KCNH5: variants seen among roughly 807,000 people sequenced by gnomAD.
KCNH5 encodes the protein voltage-gated delayed rectifier potassium channel KCNH5.
Under a neutral mutation model 96.1 loss-of-function variants are expected in KCNH5, and 46 were observed. The observed-to-expected ratio is 0.48, with a 90% confidence interval of 0.38 to 0.61. The LOEUF (loss-of-function observed/expected upper bound fraction) is 0.61, where lower values mean the gene tolerates loss of function less well. Among genes scored for constraint, KCNH5 ranks in the 20% least tolerant of loss-of-function variants. The pLI is 0.00. For missense variants in KCNH5, 907 were observed against 1,225.8 expected, an observed-to-expected ratio of 0.74 and a Z score of 3.88; for synonymous variants, 439 against 449.8, an observed-to-expected ratio of 0.98 and a Z score of 0.30.
chr14:62,779,098 C>T (rs1886154798), intron 10 of KCNH5, among the ~76,000 whole-genome samples: 1 of 152,154 alleles, frequency 6.6e-6, no homozygotes, highest in Non-Finnish European at 1.5e-5. Context: ...TTACCCAATG[C>T]CCAATGACCT....
intron 7 of KCNH5, among the ~76,000 whole-genome samples, chr14:62,862,468 C>T (rs1375589070): frequency 6.6e-6 from 1 of 152,158 alleles, no homozygotes; most frequent in Non-Finnish European, 1.5e-5. Flanking sequence ...AACATTACCA[C>T]AAATTTTTCC....
chr14:62,858,928 G>A (rs1887980935), intron 7 of KCNH5, among the ~76,000 whole-genome samples: 1 of 152,138 alleles, frequency 6.6e-6, no homozygotes, highest in Non-Finnish European at 1.5e-5. Flanking sequence ...AGGACGATGG[G>A]GAACATGGTA....
intron 8 of KCNH5, among the ~76,000 whole-genome samples, chr14:62,814,965 G>T (rs1051888052): frequency 1.3e-5 from 2 of 152,042 alleles, no homozygotes; most frequent in Non-Finnish European, 2.9e-5. Flanking sequence ...AGCGAATCTT[G>T]TGAACTACAG....
At chr14:62,888,160 C>G (rs1888635546) in intron 7 of KCNH5, among the ~76,000 whole-genome samples, 1 of 152,136 alleles carries the variant, frequency 6.6e-6, no homozygotes, top group Admixed American at 6.5e-5. Flanking sequence ...TGTGCTTTGT[C>G]TTACCAAGAA....
intron 7 of KCNH5, among the ~76,000 whole-genome samples, chr14:62,907,107 A>G (rs1484019011): frequency 6.6e-6 from 1 of 152,148 alleles, no homozygotes; most frequent in Admixed American, 6.5e-5. Context: ...CTGTCTTTCT[A>G]GACAGTCTTC....
intron 9 of KCNH5, among the ~76,000 whole-genome samples, chr14:62,801,831 A>G (rs1461370049): frequency 6.6e-6 from 1 of 152,156 alleles, no homozygotes; most frequent in Non-Finnish European, 1.5e-5. Flanking sequence ...ACTTAGGTTG[A>G]CCGTGATGAG....
chr14:62,754,970 CAAAG>C (rs1885588423), intron 10 of KCNH5, among the ~76,000 whole-genome samples: 1 of 150,262 alleles, frequency 6.7e-6, no homozygotes, highest in Admixed American at 6.7e-5. Context: ...TATAAAGAGA[CAAAG>C]AAGGTTTATA....
chr14:62,865,652 T>C (rs1888120719), intron 7 of KCNH5, among the ~76,000 whole-genome samples: 1 of 152,228 alleles, frequency 6.6e-6, no homozygotes, highest in African/African-American at 2.4e-5. Flanking sequence ...TGTACTCTCT[T>C]CCTTTATGTT....
chr14:63,036,500 T>C (rs565898288), intron 1 of KCNH5, among the ~76,000 whole-genome samples: 3 of 128,874 alleles, frequency 2.3e-5, no homozygotes, highest in South Asian at 4.7e-4. Flanking sequence ...AAACGGGAGA[T>C]ACAAAAAAAA....
rs57793448 is a variant in KCNH5 at position 62,849,556 on chromosome 14, C to T, written c.1569+97G>A. 9.1e-3 allele frequency: 8,559 copies of T among 940,234 alleles called. 496 individuals are homozygous for T. The African/African-American group carries it at 0.12, about 14-fold the overall frequency. 58.2% of individuals were successfully genotyped at this position (940,234 alleles called of 1,614,324 possible). A position where few individuals can be genotyped will look rare whatever the true frequency, so the allele number is the denominator to read the frequency against. The stretch of plus-strand genomic sequence containing the variant: ...ACTTACAAATACAGAATAACAGTTA[C>T]GAAGCAATTATACAAGCAATACGTG... On this transcript the variant is annotated intron_variant, in intron 8 of 10. Coordinates refer to ENST00000322893, the MANE Select transcript of KCNH5 (RefSeq NM_139318.5).
At chr14:63,024,208 C>CAAAAAAAAAAAAAAA (rs574336970) in intron 1 of KCNH5, among the ~76,000 whole-genome samples, 12 of 140,264 alleles carry the variant, frequency 8.6e-5, no homozygotes, top group South Asian at 2.2e-4. Flanking sequence ...GACTCCATCT[C>CAAAAAAAAAAAAAAA]AAAAAATATA....
chr14:62,847,590 T>G (rs750769886), intron 8 of KCNH5, among the ~76,000 whole-genome samples: 1 of 152,206 alleles, frequency 6.6e-6, no homozygotes, highest in African/African-American at 2.4e-5. Context: ...ACTTTAAGGA[T>G]TCCTCACTCA....
chr14:62,945,912 G>A (rs190245692), intron 7 of KCNH5, among the ~76,000 whole-genome samples: 19 of 152,112 alleles, frequency 1.2e-4, no homozygotes, highest in Admixed American at 1.2e-3. Context: ...AGGTAGGCAG[G>A]GCCATATCAG....
chr14:62,885,800 T>G (rs1478745490), intron 7 of KCNH5, among the ~76,000 whole-genome samples: 2 of 152,152 alleles, frequency 1.3e-5, no homozygotes, highest in Non-Finnish European at 2.9e-5. Flanking sequence ...TGTTTCAGAG[T>G]CATTATTTAT....
intron 7 of KCNH5, among the ~76,000 whole-genome samples, chr14:62,857,079 G>C (rs1887944681): frequency 3.9e-5 from 6 of 152,034 alleles, no homozygotes; most frequent in Admixed American, 3.9e-4. Context: ...CTATCTTAGA[G>C]CTGATCCTGT....
chr14:62,907,213 G>C (rs1296501660), intron 7 of KCNH5, among the ~76,000 whole-genome samples: 2 of 152,118 alleles, frequency 1.3e-5, no homozygotes, highest in Non-Finnish European at 2.9e-5. Context: ...AGAGAAACTA[G>C]ACAGATCAAT....
intron 7 of KCNH5, among the ~76,000 whole-genome samples, chr14:62,910,648 G>A (rs187942387): frequency 2.2e-4 from 34 of 152,164 alleles, no homozygotes; most frequent in Admixed American, 1.5e-3. Flanking sequence ...ATCTAACAAG[G>A]AATATTCAAG....
intron 2 of KCNH5, among the ~76,000 whole-genome samples, chr14:63,010,945 C>A (rs985316084): frequency 1.3e-5 from 2 of 152,164 alleles, no homozygotes; most frequent in African/African-American, 4.8e-5. Flanking sequence ...AACAAACATT[C>A]AGTCACCATA....
chr14:62,781,065 C>A (rs531606821), intron 9 of KCNH5, among the ~76,000 whole-genome samples: 1 of 151,906 alleles, frequency 6.6e-6, no homozygotes, highest in African/African-American at 2.4e-5. Flanking sequence ...CACATAGGTT[C>A]TTTTCTATTT....
Sources: allele counts gnomAD v4.1 joint callset (sites outside exome capture counted in the v4.1 genomes callset), GRCh38; gene constraint gnomAD v4.1.1; transcripts MANE v1.5; gene names NCBI Gene and HGNC (gene_info 2026-07-23, HGNC 2026-07-21).